Variants in GLT1D1 observed in about 807,000 individuals in gnomAD.
GLT1D1 encodes the protein glycosyltransferase 1 domain-containing protein 1.
GLT1D1 carries 21 observed loss-of-function variants against 28.7 expected under a neutral mutation model. The ratio of observed to expected loss-of-function variants is 0.73; its 90% CI spans 0.52 to 1.05. The LOEUF (loss-of-function observed/expected upper bound fraction) is 1.05. GLT1D1 is among the 50% of genes least tolerant of loss of function. The pLI is 0.00. For synonymous variants in GLT1D1, 147 were observed against 124.8 expected (o/e 1.18, Z -1.19); for missense variants, 343 against 330.6 (o/e 1.04, Z -0.29).
At chr12:128,911,182 G>A (rs190583120) in intron 4 of GLT1D1, among the ~76,000 whole-genome samples, 3 of 152,190 alleles carry the variant, frequency 2.0e-5, no homozygotes, top group East Asian at 1.9e-4. Flanking sequence ...TGCCTGCCTC[G>A]GCCTCCCAAA....
At chr12:128,861,467 A>T (rs984019888) in intron 1 of GLT1D1, among the ~76,000 whole-genome samples, 1 of 152,190 alleles carries the variant, frequency 6.6e-6, no homozygotes, top group Non-Finnish European at 1.5e-5. Flanking sequence ...ATGCGTGAAG[A>T]TGGTCTCGGG....
chr12:128,881,550 AAAAAAAAAAAAATATATATAT>A (rs1199468520), intron 2 of GLT1D1, among the ~76,000 whole-genome samples: 24 of 73,510 alleles, frequency 3.3e-4, no homozygotes, highest in African/African-American at 1.2e-3. Context: ...AAAAAAAAAA[AAAAAAAAAAAAATATATATAT>A]ATATATATAT....
chr12:128,903,229 G>A (rs889291943), intron 4 of GLT1D1, among the ~76,000 whole-genome samples: 1 of 151,602 alleles, frequency 6.6e-6, no homozygotes, highest in African/African-American at 2.4e-5. Flanking sequence ...TAAACACGCA[G>A]GGTGGCCTCA....
At chr12:128,866,947 A>G (rs1593052463) in intron 1 of GLT1D1, among the ~76,000 whole-genome samples, 1 of 150,598 alleles carries the variant, frequency 6.6e-6, no homozygotes, top group East Asian at 2.0e-4. Flanking sequence ...TTTAGCGGGA[A>G]CTCCCCTGCC....
intron 2 of GLT1D1, among the ~76,000 whole-genome samples, chr12:128,881,259 C>T (rs1382346151): frequency 6.8e-6 from 1 of 146,124 alleles, no homozygotes; most frequent in African/African-American, 2.5e-5. Flanking sequence ...AGTCCAGGCG[C>T]GGTGCCTCAC....
chr12:128,924,613 C>A (rs915380634), intron 4 of GLT1D1, among the ~76,000 whole-genome samples: 1 of 151,882 alleles, frequency 6.6e-6, no homozygotes, highest in Non-Finnish European at 1.5e-5. Flanking sequence ...CCCGCCACCA[C>A]GCCCAGTTAA....
At chr12:128,879,414 C>T (rs574652139) in intron 2 of GLT1D1, among the ~76,000 whole-genome samples, 25 of 94,590 alleles carry the variant, frequency 2.6e-4, no homozygotes, top group South Asian at 9.3e-4. Context: ...TTCTTTCTTT[C>T]TTTCTTTCTT....
At chr12:128,892,036 A>G (rs1869121668) in intron 3 of GLT1D1, among the ~76,000 whole-genome samples, 1 of 152,180 alleles carries the variant, frequency 6.6e-6, no homozygotes, top group South Asian at 2.1e-4. Context: ...GGAAGACTCA[A>G]AGCAGGGAGG....
intron 3 of GLT1D1, among the ~76,000 whole-genome samples, chr12:128,898,174 CT>C (rs1225666631): frequency 1.3e-5 from 2 of 151,032 alleles, no homozygotes; most frequent in East Asian, 3.9e-4. Context: ...CTTCTTCTTC[CT>C]TTTCCTTCTT....
intron 1 of GLT1D1, among the ~76,000 whole-genome samples, chr12:128,862,799 A>C (rs1340803028): frequency 6.6e-6 from 1 of 152,236 alleles, no homozygotes; most frequent in African/African-American, 2.4e-5. Context: ...GCTTGCGCAC[A>C]TCAGCTCGAT....
intron 4 of GLT1D1, among the ~76,000 whole-genome samples, chr12:128,902,722 A>G (rs1870418135): frequency 6.6e-6 from 1 of 151,564 alleles, no homozygotes; most frequent in Non-Finnish European, 1.5e-5. Context: ...AAACGTGGGA[A>G]CCCAACTGTG....
intron 7 of GLT1D1, among the ~76,000 whole-genome samples, chr12:128,972,485 G>GA (rs929100881): frequency 2.7e-4 from 41 of 151,518 alleles, no homozygotes; most frequent in African/African-American, 9.6e-4. Flanking sequence ...AAGAACCGGG[G>GA]AGCAACTGTG....
intron 2 of GLT1D1, among the ~76,000 whole-genome samples, chr12:128,881,594 A>ATAT (rs1566099516): frequency 8.4e-6 from 1 of 119,712 alleles, no homozygotes; most frequent in Non-Finnish European, 1.7e-5. Flanking sequence ...ATATATATAT[A>ATAT]AAATTTATAG....
At chr12:128,862,644 A>G (rs1157205018) in intron 1 of GLT1D1, among the ~76,000 whole-genome samples, 1 of 152,198 alleles carries the variant, frequency 6.6e-6, no homozygotes. Flanking sequence ...GAGACCCTGT[A>G]TCACACAAAA....
chr12:128,899,245 C>G lies in GLT1D1; in HGVS notation c.333C>G (p.Val111=). The G allele has an allele frequency of 2.5e-6, 4 of 1,612,368 alleles. No homozygotes were observed. Among genetic ancestry groups the G allele is most frequent in the Non-Finnish European group, 3.4e-6 (4 of 1,178,430 alleles). Residue 111 remains valine, a synonymous_variant, in exon 4 of 8, where the codon GTC becomes GTG. Coordinates refer to ENST00000281703, the MANE Select transcript of GLT1D1 (RefSeq NM_144669.3). ...TTTGTTCATTTACTAGATTTGCTGTCGCTTTCACAGAGTCAATGAAGGAAA... is the reference window on the plus strand; with the variant it reads ...TTTGTTCATTTACTAGATTTGCTGTGGCTTTCACAGAGTCAATGAAGGAAA...
At chr12:128,918,769 C>T (rs1051145116) in intron 4 of GLT1D1, among the ~76,000 whole-genome samples, 23 of 152,298 alleles carry the variant, frequency 1.5e-4, no homozygotes, top group South Asian at 8.3e-4. Context: ...TATCACAGGA[C>T]GCAATGGCGT....
In GLT1D1 at chr12:128,926,489, A is replaced by G. The variant is rs781505239; in HGVS notation, c.376-18837A>G. On this transcript the variant is annotated intron_variant, in intron 4 of 7. Coordinates refer to ENST00000281703, the MANE Select transcript of GLT1D1 (RefSeq NM_144669.3). ...CTGGCTACCTTCCTCCACTGTTTATAGAATTCCTTGTGGGCGCCCATCTCA... is the reference window on the plus strand; with the variant it reads ...CTGGCTACCTTCCTCCACTGTTTATGGAATTCCTTGTGGGCGCCCATCTCA... 4 of 1,156,248 alleles carry G rather than the reference A, an allele frequency of 3.5e-6. No homozygotes were observed. The South Asian group carries it at 4.0e-5, about 11-fold the overall frequency. 71.6% of individuals were successfully genotyped at this position (1,156,248 alleles called of 1,614,324 possible). A position where few individuals can be genotyped will look rare whatever the true frequency, so the allele number is the denominator to read the frequency against.
intron 4 of GLT1D1, among the ~76,000 whole-genome samples, chr12:128,899,632 T>A (rs1446441264): frequency 1.3e-5 from 2 of 148,818 alleles, no homozygotes; most frequent in Non-Finnish European, 3.0e-5. Flanking sequence ...TCACTGCAAC[T>A]TCCACCTCCC....
At chr12:128,968,650 G>A (rs192295687) in intron 7 of GLT1D1, among the ~76,000 whole-genome samples, 13 of 152,046 alleles carry the variant, frequency 8.6e-5, no homozygotes, top group South Asian at 2.1e-4. Flanking sequence ...GTGACAGTGC[G>A]AGACATCGTC....
Sources: gnomAD v4.1 joint callset for allele counts (sites outside exome capture counted in the v4.1 genomes callset) on GRCh38, gnomAD v4.1.1 for gene constraint, MANE v1.5 for transcripts, NCBI Gene and HGNC (gene_info 2026-07-23, HGNC 2026-07-21) for gene names.